SLC13A2: variants seen among roughly 807,000 people sequenced by gnomAD.
SLC13A2 encodes Na(+)-coupled citrate transporter.
Under a neutral mutation model 58.5 loss-of-function variants are expected in SLC13A2, and 40 were observed. The ratio of observed to expected loss-of-function variants is 0.68; its 90% CI spans 0.53 to 0.89. SLC13A2 has a LOEUF of 0.89. SLC13A2 is among the 40% of genes least tolerant of loss of function. The pLI, the probability that SLC13A2 is intolerant of heterozygous loss-of-function variation, is 0.00. For missense variants in SLC13A2, 694 were observed against 772.6 expected (o/e 0.90, Z 1.21); for synonymous variants, 341 against 331.6 (o/e 1.03, Z -0.31).
In SLC13A2 at chr17:28,497,294, C is replaced by T. The variant is rs2069165965; in HGVS notation, c.*25C>T. 6.3e-7 allele frequency: 1 copy of T among 1,596,666 alleles called. No individual in the cohort carries two copies. The highest frequency in any genetic ancestry group is 1.7e-5 in the Admixed American group (1 of 59,168). On this transcript the variant is annotated 3_prime_UTR_variant, in exon 12 of 12. Transcript: ENST00000314669. ...GGCTGGGGCACAGCCTGGCCATGCC[C>T]AGGAAGACCCACCCCATTCCCACTC...
Position 28,496,385 on chromosome 17 carries a change from G to A in SLC13A2, c.1471-65G>A. The A allele has an allele frequency of 6.5e-7, 1 of 1,527,426 alleles. No individual in the cohort carries two copies. The highest frequency in any genetic ancestry group is 1.3e-5 in the South Asian group (1 of 78,796). 94.6% of individuals were successfully genotyped at this position (1,527,426 alleles called of 1,614,324 possible). On this transcript the variant is annotated intron_variant, in intron 10 of 11. Coordinates refer to ENST00000314669, the MANE Select transcript of SLC13A2 (RefSeq NM_003984.4). This position sits in a 1 kb window ranked among gnomAD's most constrained non-coding sequence, Gnocchi z 4.2. ...TTCCCCAGAGAAGCAGGAGAATTGG[G>A]GGCCATGCCCCTCCCTCTGGCTTGG...
rs2068970309 is a variant in SLC13A2, at chr17:28,489,982, A to G, written c.232-472A>G. Reference sequence around the variant, plus strand: ...GGGAACCTGGTTGATATTAAATGATAGATAATCCAGGCCGGGTGTGGTGGC... The same window carrying G: ...GGGAACCTGGTTGATATTAAATGATGGATAATCCAGGCCGGGTGTGGTGGC... On this transcript the variant is annotated intron_variant, in intron 2 of 11. Transcript: ENST00000314669. 2.0e-5 allele frequency among the ~76,000 whole-genome samples: 3 copies of G among 152,344 alleles called. No individual in the cohort carries two copies. In the South Asian group the frequency reaches 6.2e-4, roughly 32 times the overall value.
intron 1 of SLC13A2, among the ~76,000 whole-genome samples, chr17:28,488,784 C>A (rs1156935805): frequency 2.6e-5 from 4 of 152,200 alleles, no homozygotes; most frequent in Admixed American, 6.5e-5. Flanking sequence ...CACTAAATAT[C>A]CAACAAACAA....
At position 28,490,397 on chromosome 17, in the gene SLC13A2, G is replaced by A. The variant is rs782026658; in HGVS notation, c.232-57G>A. On this transcript the variant is annotated intron_variant, in intron 2 of 11. Transcript: ENST00000314669. ...AGTGACTGCATCCCATAACCTCGGG[G>A]GCACCGTGGGAGACTCCAGGGTCTT... 8 of 1,614,026 alleles carry A rather than the reference G, an allele frequency of 5.0e-6. No individual in the cohort carries two copies. In the Admixed American group the frequency reaches 1.3e-4, roughly 27 times the overall value.
In SLC13A2 at chr17:28,494,336, A is replaced by T; in HGVS notation, c.1187-55A>T. ...CCACACAGGGAGCCCGCAAATGGAG[A>T]GGGGAAAGGCCTGTTTGTTCTTTGG... is the stretch of plus-strand genomic sequence containing the variant. On this transcript the variant is annotated intron_variant, in intron 8 of 11. Coordinates refer to ENST00000314669, the MANE Select transcript of SLC13A2 (RefSeq NM_003984.4). The surrounding 1 kb of genome is among the most constrained non-coding windows in gnomAD (Gnocchi z 4.0). 1 of 1,613,998 alleles carries T rather than the reference A, an allele frequency of 6.2e-7. No homozygotes were observed.
At chr17:28,491,989 A>T in intron 6 of SLC13A2, 137 bp downstream of exon 6, 2 of 1,268,786 alleles carry the variant, frequency 1.6e-6, no homozygotes, top group Non-Finnish European at 1.1e-6. Context: ...CCCTCTGTGC[A>T]CTTGGACCCC....
At position 28,493,649 on chromosome 17, in the gene SLC13A2, C is replaced by G. The variant is rs1445798910; in HGVS notation, c.957C>G (p.His319Gln). 5.0e-6 allele frequency: 8 copies of G among 1,614,112 alleles called. No individual in the cohort carries two copies. In the Admixed American group the frequency reaches 1.3e-4, roughly 27 times the overall value. The part of the protein sequence containing the change: ...QAAYCVIQTE[H>Q]RLLGPMTFAE... ...CCTACTGCGTCATCCAGACCGAGCA[C>G]AGGCTGCTGGGCCCCATGACCTTTG... is the stretch of plus-strand genomic sequence containing the variant. The change falls in exon 7 of 12, where the codon CAC becomes CAG. Residue 319 changes from histidine (H) to glutamine (Q), a missense_variant. Physicochemically the swap from His to Gln is conservative, Grantham distance 24. Coordinates refer to ENST00000314669, the MANE Select transcript of SLC13A2 (RefSeq NM_003984.4).
intron 6 of SLC13A2, 116 bp downstream of exon 6, chr17:28,491,968 C>T: frequency 7.1e-7 from 1 of 1,403,796 alleles, no homozygotes; most frequent in South Asian, 1.4e-5. Context: ...AAGGCTTCTC[C>T]CTCCCAAAGC....
Position 28,489,336 on chromosome 17 carries a change from C to T in SLC13A2, c.225C>T (p.Ala75=), listed in dbSNP as rs1349939712. 1.3e-6 allele frequency: 2 copies of T among 1,591,658 alleles called. No homozygotes were observed. The highest frequency in any genetic ancestry group is 1.7e-6 in the Non-Finnish European group (2 of 1,172,422). The change falls in exon 2 of 12, where the codon GCC becomes GCT. Residue 75 remains alanine (A), a synonymous_variant. Coordinates refer to ENST00000314669, the MANE Select transcript of SLC13A2 (RefSeq NM_003984.4). ...ILFPMMGIVD[A]SEVAVEYLKD... is the part of the protein sequence containing the mutation. ...TCCCTATGATGGGCATCGTGGATGC[C>T]TCTGAGGTGAGCCCCATCCATAGGA...
rs1321687816 is a variant in SLC13A2 at position 28,494,216 on chromosome 17, G to T, written c.1186+111G>T. The T allele has an allele frequency of 5.5e-5, 82 of 1,478,304 alleles. No individual in the cohort carries two copies. In the East Asian group the frequency reaches 1.8e-3, roughly 33 times the overall value. 91.6% of individuals were successfully genotyped at this position (1,478,304 alleles called of 1,614,324 possible). ...GAGTAGGCAAAGCCCAGAAAGGCTG[G>T]AGCGACTTGCCAAGGGCACAGGGAC... On this transcript the variant is annotated intron_variant, in intron 8 of 11. Coordinates refer to ENST00000314669, the MANE Select transcript of SLC13A2 (RefSeq NM_003984.4). This position sits in a 1 kb window ranked among gnomAD's most constrained non-coding sequence, Gnocchi z 4.0.
Position 28,491,593 on chromosome 17 carries a change from T to C in SLC13A2, c.731T>C (p.Leu244Pro). ...IATLTGTAPN[L>P]VLQGQINSLF... ...ACGCTGACTGGCACCGCACCCAACC[T>C]GGTGCTGCAAGGCCAGATCAACTCG... The change falls in exon 5 of 12, where the codon CTG (leucine) becomes CCG (proline). Residue 244 changes from leucine (L) to proline (P), a missense_variant. Transcript: ENST00000314669. The C allele has an allele frequency of 1.2e-6, 2 of 1,613,396 alleles. 1 individual carries two copies. Among genetic ancestry groups the C allele is most frequent in the South Asian group, 2.2e-5 (2 of 91,076 alleles).
At chr17:28,486,520 C>T (rs1197456844) in intron 1 of SLC13A2, among the ~76,000 whole-genome samples, 1 of 152,278 alleles carries the variant, frequency 6.6e-6, no homozygotes, top group East Asian at 1.9e-4. Flanking sequence ...GGGCCAAAGC[C>T]ACCCGGGGTT....
chr17:28,497,586 G>GC lies in SLC13A2; in HGVS notation c.*317_*318insC. The GC allele has an allele frequency of 6.2e-6, 2 of 320,146 alleles. No homozygotes were observed. The highest frequency in any genetic ancestry group is 5.8e-6 in the Non-Finnish European group (1 of 172,590). The allele number at this position is 320,146 out of a possible 1,614,324, so 19.8% of individuals were successfully genotyped here. A position where few individuals can be genotyped will look rare whatever the true frequency, so the allele number is the denominator to read the frequency against. ...GGTATGTATGTTGGACAGTGCACAC[G>GC]TGTGTGTTCACAGACAATACAACAT... is the stretch of plus-strand genomic sequence containing the variant. On this transcript the variant is annotated 3_prime_UTR_variant, in exon 12 of 12. Transcript: ENST00000314669.
At chr17:28,477,924 G>C (rs1555600392) in intron 1 of SLC13A2, among the ~76,000 whole-genome samples, 1 of 152,092 alleles carries the variant, frequency 6.6e-6, no homozygotes, top group African/African-American at 2.4e-5. Context: ...CAGGTGTGGT[G>C]GCGCATGCCT....
chr17:28,487,724 G>A (rs1403447694), intron 1 of SLC13A2, among the ~76,000 whole-genome samples: 2 of 152,218 alleles, frequency 1.3e-5, no homozygotes, highest in Admixed American at 6.5e-5. Context: ...CCTGCTGGGG[G>A]AGGAGGGGGC....
intron 1 of SLC13A2, among the ~76,000 whole-genome samples, chr17:28,482,625 C>T (rs2068804530): frequency 6.6e-6 from 1 of 152,204 alleles, no homozygotes. Context: ...GCTTAAAACT[C>T]TTTGAGGCCT....
At chr17:28,475,155 A>G (rs1037719151) in intron 1 of SLC13A2, among the ~76,000 whole-genome samples, 2 of 152,210 alleles carry the variant, frequency 1.3e-5, no homozygotes, top group Admixed American at 6.5e-5. Flanking sequence ...TTTCTTCCCA[A>G]TTCCCCTCGA....
intron 2 of SLC13A2, 77 bp downstream of exon 2, chr17:28,489,419 CA>C: frequency 6.7e-7 from 1 of 1,496,604 alleles, no homozygotes; most frequent in Non-Finnish European, 9.0e-7. Flanking sequence ...CCCTTGTTGA[CA>C]AAGGAAGCCT....
chr17:28,473,744 A>G lies in SLC13A2; in HGVS notation c.32A>G (p.Tyr11Cys), dbSNP rs1555599373. 1 of 1,614,156 alleles carries G rather than the reference A, an allele frequency of 6.2e-7. No homozygotes were observed. Among genetic ancestry groups the G allele is most frequent in the Admixed American group, 1.7e-5 (1 of 60,028 alleles). MATCWQALWA[Y>C]RSYLIVFFVP... is the part of the protein sequence containing the mutation. ...ACCTGCTGGCAGGCCCTGTGGGCCTATCGCTCCTACCTGATCGTGTTCTTC... is the reference window on the plus strand; with the variant it reads ...ACCTGCTGGCAGGCCCTGTGGGCCTGTCGCTCCTACCTGATCGTGTTCTTC... The change falls in exon 1 of 12, where the codon TAT (tyrosine) becomes TGT (cysteine). Residue 11 changes from tyrosine to cysteine, a missense_variant. Coordinates refer to ENST00000314669, the MANE Select transcript of SLC13A2 (RefSeq NM_003984.4).
Sources: allele counts gnomAD v4.1 joint callset (sites outside exome capture counted in the v4.1 genomes callset), GRCh38; gene constraint gnomAD v4.1.1; non-coding constraint Gnocchi (gnomAD v3.1); transcripts MANE v1.5; gene names NCBI Gene and HGNC (gene_info 2026-07-23, HGNC 2026-07-21).